Variants in EPOR observed in about 807,000 individuals in gnomAD.
EPOR encodes erythropoietin receptor.
EPOR carries 20 observed loss-of-function variants against 34.3 expected under a neutral mutation model. That is an observed-to-expected ratio of 0.58 (90% CI 0.41 to 0.85). The LOEUF (loss-of-function observed/expected upper bound fraction) is 0.85, where lower values mean the gene tolerates loss of function less well. EPOR is among the 40% of genes least tolerant of loss of function. EPOR has a pLI of 0.00. For synonymous variants in EPOR, 312 were observed against 299.0 expected, an observed-to-expected ratio of 1.04 and a Z score of -0.45; for missense variants, 601 against 672.7, an observed-to-expected ratio of 0.89 and a Z score of 1.18.
chr19:11,378,328 C>G lies in EPOR; in HGVS notation c.1183G>C (p.Val395Leu), dbSNP rs759502326. The G allele has an allele frequency of 9.6e-5, 155 of 1,613,358 alleles. No individual in the cohort carries two copies. Among genetic ancestry groups the G allele is most frequent in the South Asian group, 8.2e-4 (75 of 91,088 alleles). Reference sequence around the variant, plus strand: ...GCTTCTGAGCCTTCATCCATGGCCACTATGTCCACACTGCCACCAGGCCCT... The same window carrying G: ...GCTTCTGAGCCTTCATCCATGGCCAGTATGTCCACACTGCCACCAGGCCCT... ...LPGPGGSVDI[V>L]AMDEGSEASS... The change falls in exon 8 of 8, where the codon GTG becomes CTG. Residue 395 changes from valine to leucine, a missense_variant. By Grantham distance (32) the Val-to-Leu change is conservative (BLOSUM62 1). Coordinates refer to ENST00000222139, the MANE Select transcript of EPOR (RefSeq NM_000121.4). This position sits in a 1 kb window ranked among gnomAD's most constrained non-coding sequence, Gnocchi z 5.3.
intron 2 of EPOR, 112 bp from the exon 3 acceptor site, chr19:11,382,217 G>T (rs909907724): frequency 2.4e-6 from 2 of 839,116 alleles, no homozygotes; most frequent in Non-Finnish European, 3.7e-6. Context: ...TTGTGTGTGT[G>T]TGTGACAAGG....
chr19:11,382,132 T>G, intron 2 of EPOR, 27 bp from the exon 3 acceptor site: 1 of 1,605,910 alleles, frequency 6.2e-7, no homozygotes, highest in Non-Finnish European at 8.5e-7. Context: ...GGGAGCAGGT[T>G]GGGAGGGGGG....
chr19:11,378,885 TC>T lies in EPOR; in HGVS notation c.828-108del. 4 of 1,145,148 alleles carry T rather than the reference TC, an allele frequency of 3.5e-6. No homozygotes were observed. The highest frequency in any genetic ancestry group is 5.1e-6 in the Non-Finnish European group (4 of 780,474). The allele number at this position is 1,145,148 out of a possible 1,614,324, so 70.9% of individuals were successfully genotyped here. On this transcript the variant is annotated intron_variant, in intron 6 of 7. Coordinates refer to ENST00000222139, the MANE Select transcript of EPOR (RefSeq NM_000121.4). The surrounding 1 kb of genome is among the most constrained non-coding windows in gnomAD (Gnocchi z 5.3). The stretch of plus-strand genomic sequence containing the variant: ...GCACAGATACACTTGGTCCCTGTGA[TC>T]ACAATGGAGGCAGAGGAGTACATCA...
chr19:11,381,854 A>C lies in EPOR; in HGVS notation c.428-5T>G. The C allele has an allele frequency of 1.2e-6, 2 of 1,614,122 alleles. No individual in the cohort carries two copies. Among genetic ancestry groups the C allele is most frequent in the Non-Finnish European group, 1.7e-6 (2 of 1,179,974 alleles). ...CCACGGGGGCGTCTAGGAGCACTGC[A>C]GGCATGGGGGTTGGTCAGGTGGGCG... On this transcript the variant is annotated splice_region_variant and splice_polypyrimidine_tract_variant and intron_variant, in intron 3 of 7. Transcript: ENST00000222139. The surrounding 1 kb of genome is among the most constrained non-coding windows in gnomAD (Gnocchi z 5.3).
chr19:11,382,788 G>C lies in EPOR; in HGVS notation c.251+309C>G, dbSNP rs1968380242. The C allele has an allele frequency of 2.2e-6, 3 of 1,335,330 alleles. No individual in the cohort carries two copies. The African/African-American group carries it at 4.4e-5, about 20-fold the overall frequency. 82.7% of individuals were successfully genotyped at this position (1,335,330 alleles called of 1,614,324 possible). ...GGATTACAGGCATGAGCCACTGCTG[G>C]CCTCCTTTTGGATACTACCTCGAGA... On this transcript the variant is annotated intron_variant, in intron 2 of 7. Coordinates refer to ENST00000222139, the MANE Select transcript of EPOR (RefSeq NM_000121.4).
Position 11,384,265 on chromosome 19 carries a change from G to T in EPOR, c.-58C>A. ...CCTGCCCCTCCGTCCCCCGCCCCCG[G>T]CACAGTCCACAGCTGGGTCAGCAGC... On this transcript the variant is annotated 5_prime_UTR_variant, in exon 1 of 8. Transcript: ENST00000222139. The T allele has an allele frequency of 8.4e-7, 1 of 1,191,944 alleles. No individual in the cohort carries two copies. The highest frequency in any genetic ancestry group is 1.2e-6 in the Non-Finnish European group (1 of 832,500). 73.8% of individuals were successfully genotyped at this position (1,191,944 alleles called of 1,614,324 possible).
rs779264719 is a variant in EPOR at position 11,378,419 on chromosome 19, G to C, written c.1092C>G (p.Ala364=). The change falls in exon 8 of 8, where the codon GCC becomes GCG. Residue 364 remains alanine (A), a synonymous_variant. Coordinates refer to ENST00000222139, the MANE Select transcript of EPOR (RefSeq NM_000121.4). The surrounding 1 kb of genome is among the most constrained non-coding windows in gnomAD (Gnocchi z 5.3). ...PLLEPVGSEH[A]QDTYLVLDKW... The stretch of plus-strand genomic sequence containing the variant: ...TGTCCAGCACCAGATAGGTATCCTG[G>C]GCATGCTCACTGCCCACTGGCTCCA... The C allele has an allele frequency of 6.2e-7, 1 of 1,613,984 alleles. No individual in the cohort carries two copies. Among genetic ancestry groups the C allele is most frequent in the South Asian group, 1.1e-5 (1 of 91,084 alleles).
rs562625915 is a variant in EPOR at position 11,382,119 on chromosome 19, G to A, written c.252-14C>T. 6.2e-7 allele frequency: 1 copy of A among 1,611,472 alleles called. No individual in the cohort carries two copies. Among genetic ancestry groups the A allele is most frequent in the African/African-American group, 1.3e-5 (1 of 75,010 alleles). Reference sequence around the variant, plus strand: ...CATGGCTCATCCCTATGCGCCCAGGGAAGGGAGCAGGTTGGGAGGGGGGAC... The same window carrying A: ...CATGGCTCATCCCTATGCGCCCAGGAAAGGGAGCAGGTTGGGAGGGGGGAC... On this transcript the variant is annotated splice_polypyrimidine_tract_variant and intron_variant, in intron 2 of 7. Transcript: ENST00000222139.
rs1235039349 is a variant in EPOR at position 11,381,677 on chromosome 19, A to G, written c.585+15T>C. The G allele has an allele frequency of 1.3e-5, 20 of 1,595,510 alleles. No homozygotes were observed. The highest frequency in any genetic ancestry group is 1.6e-5 in the Non-Finnish European group (19 of 1,171,154). On this transcript the variant is annotated intron_variant, in intron 4 of 7. Coordinates refer to ENST00000222139, the MANE Select transcript of EPOR (RefSeq NM_000121.4). The surrounding 1 kb of genome is among the most constrained non-coding windows in gnomAD (Gnocchi z 5.3). ...AGTGGAGCTTTGGGGGCTGGGCCGT[A>G]GGGGCTGGCCTCACCCTCTGTACGC...
Position 11,381,050 on chromosome 19 carries a change from C to A in EPOR, c.739+6G>T, listed in dbSNP as rs1337377704. The A allele has an allele frequency of 1.3e-6, 2 of 1,597,746 alleles. No homozygotes were observed. The highest frequency in any genetic ancestry group is 2.3e-5 in the South Asian group (2 of 88,416). On this transcript the variant is annotated splice_donor_region_variant and intron_variant, in intron 5 of 7. Coordinates refer to ENST00000222139, the MANE Select transcript of EPOR (RefSeq NM_000121.4). This position sits in a 1 kb window ranked among gnomAD's most constrained non-coding sequence, Gnocchi z 5.3. ...GCTCCTCCTACACCCCCGCCTGGGG[C>A]CTCACCGCTAGGCGTCAGCAGCGAC...
intron 2 of EPOR, chr19:11,382,821 C>G (rs756352816): frequency 1.4e-6 from 2 of 1,435,248 alleles, no homozygotes; most frequent in South Asian, 2.6e-5. Context: ...AGAAGGCGTC[C>G]CAGCCCCGAC....
In EPOR at chr19:11,383,757, G is replaced by A. The variant is rs1968397776; in HGVS notation, c.115+336C>T. Among the ~76,000 whole-genome samples the A allele has an allele frequency of 6.6e-6, 1 of 151,954 alleles. No homozygotes were observed. ...GCTTTACCCTCCCTCCCCTAGGGAG[G>A]GTCGGCTTGGTCCCCACCCCCCAGG... On this transcript the variant is annotated intron_variant, in intron 1 of 7. Coordinates refer to ENST00000222139, the MANE Select transcript of EPOR (RefSeq NM_000121.4). The surrounding 1 kb of genome is among the most constrained non-coding windows in gnomAD (Gnocchi z 4.9).
rs752862659 is a variant in EPOR, at chr19:11,378,004, TG to T, written c.1506del (p.Ser503AlafsTer13). 2.5e-6 allele frequency: 4 copies of T among 1,614,092 alleles called. No individual in the cohort carries two copies. The highest frequency in any genetic ancestry group is 4.5e-5 in the East Asian group (2 of 44,880). On this transcript the variant is annotated frameshift_variant, in exon 8 of 8. Coordinates refer to ENST00000222139, the MANE Select transcript of EPOR (RefSeq NM_000121.4). LOFTEE classifies it high-confidence loss of function. The surrounding 1 kb of genome is among the most constrained non-coding windows in gnomAD (Gnocchi z 5.3). ...SLIPAAEPLPPSYVACS is the reference protein window; with the variant it reads ...SLIPAAEPLPXSYVACS ...GTGTCCTAAGAGCAAGCCACATAGC[TG>T]GGGGGCAGAGGCTCAGCGGCTGGGA...
At position 11,383,978 on chromosome 19, in the gene EPOR, ACCCGGTCAGGAAGT is replaced by A; in HGVS notation, c.115+101_115+114del. The A allele has an allele frequency of 2.0e-6, 1 of 508,170 alleles. No individual in the cohort carries two copies. Among genetic ancestry groups the A allele is most frequent in the Admixed American group, 2.4e-5 (1 of 41,788 alleles). The allele number at this position is 508,170 out of a possible 1,614,324, so 31.5% of individuals were successfully genotyped here. A position where few individuals can be genotyped will look rare whatever the true frequency, so the allele number is the denominator to read the frequency against. ...TTCAGATGCCAGCTTGGCCCCCAGG[ACCCGGTCAGGAAGT>A]CCAGAAACAGGCATGGCCCCCAGGA... On this transcript the variant is annotated intron_variant, in intron 1 of 7. Coordinates refer to ENST00000222139, the MANE Select transcript of EPOR (RefSeq NM_000121.4). The surrounding 1 kb of genome is among the most constrained non-coding windows in gnomAD (Gnocchi z 4.9).
chr19:11,381,679 G>A lies in EPOR; in HGVS notation c.585+13C>T, dbSNP rs1968361414. The A allele has an allele frequency of 1.3e-6, 2 of 1,598,500 alleles. No homozygotes were observed. Among genetic ancestry groups the A allele is most frequent in the South Asian group, 1.1e-5 (1 of 88,998 alleles). On this transcript the variant is annotated intron_variant, in intron 4 of 7. Transcript: ENST00000222139. The surrounding 1 kb of genome is among the most constrained non-coding windows in gnomAD (Gnocchi z 5.3). The stretch of plus-strand genomic sequence containing the variant: ...TGGAGCTTTGGGGGCTGGGCCGTAG[G>A]GGCTGGCCTCACCCTCTGTACGCTC...
In EPOR at chr19:11,378,254, G is replaced by A; in HGVS notation, c.1257C>T (p.Ala419=). ...ALASKPSPEG[A]SAASFEYTIL... ...TAGTGTACTCAAAGCTGGCAGCAGA[G>A]GCTCCCTCTGGGCTGGGCTTCGAGG... Residue 419 remains alanine, a synonymous_variant, in exon 8 of 8, where the codon GCC becomes GCT. Transcript: ENST00000222139. The surrounding 1 kb of genome is among the most constrained non-coding windows in gnomAD (Gnocchi z 5.3). The A allele has an allele frequency of 1.2e-6, 2 of 1,614,146 alleles. No individual in the cohort carries two copies. Among genetic ancestry groups the A allele is most frequent in the Admixed American group, 1.7e-5 (1 of 60,016 alleles).
chr19:11,381,277 T>C lies in EPOR; in HGVS notation c.586-68A>G. The C allele has an allele frequency of 2.0e-6, 3 of 1,514,582 alleles. No individual in the cohort carries two copies. The highest frequency in any genetic ancestry group is 1.8e-6 in the Non-Finnish European group (2 of 1,117,556). The allele number at this position is 1,514,582 out of a possible 1,614,324, so 93.8% of individuals were successfully genotyped here. Reference sequence around the variant, plus strand: ...TAGATGACGTGGGGGCGGGCCCTGGTGGAACTGAGCCAATCAGGGGAAAGG... The same window carrying C: ...TAGATGACGTGGGGGCGGGCCCTGGCGGAACTGAGCCAATCAGGGGAAAGG... On this transcript the variant is annotated intron_variant, in intron 4 of 7. Coordinates refer to ENST00000222139, the MANE Select transcript of EPOR (RefSeq NM_000121.4). The surrounding 1 kb of genome is among the most constrained non-coding windows in gnomAD (Gnocchi z 5.3).
Position 11,378,156 on chromosome 19 carries a change from A to G in EPOR, c.1355T>C (p.Leu452Pro). ...CPELPPTPPH[L>P]KYLYLVVSDS... ...AGATACCACAAGGTACAGGTACTTTAGGTGGGGTGGGGTAGGGGGCAGCTC... is the reference window on the plus strand; with the variant it reads ...AGATACCACAAGGTACAGGTACTTTGGGTGGGGTGGGGTAGGGGGCAGCTC... The change falls in exon 8 of 8, where the codon CTA becomes CCA. Residue 452 changes from leucine (L) to proline (P), a missense_variant. Transcript: ENST00000222139. This position sits in a 1 kb window ranked among gnomAD's most constrained non-coding sequence, Gnocchi z 5.3. 1.2e-6 allele frequency: 2 copies of G among 1,614,030 alleles called. No homozygotes were observed. Among genetic ancestry groups the G allele is most frequent in the Non-Finnish European group, 1.7e-6 (2 of 1,179,996 alleles).
chr19:11,384,002 G>C, intron 1 of EPOR, 91 bp downstream of exon 1: 1 of 892,954 alleles, frequency 1.1e-6, no homozygotes, highest in Non-Finnish European at 1.8e-6. Flanking sequence ...TCCAGAAACA[G>C]GCATGGCCCC....
Sources: allele counts gnomAD v4.1 joint callset (sites outside exome capture counted in the v4.1 genomes callset), GRCh38; gene constraint gnomAD v4.1.1; non-coding constraint Gnocchi (gnomAD v3.1); transcripts MANE v1.5; gene names NCBI Gene and HGNC (gene_info 2026-07-23, HGNC 2026-07-21).